The following VRK2 variants were observed in gnomAD, a reference collection of about 807,000 sequenced individuals.
VRK2 encodes the protein VRK serine/threonine kinase 2, also known as serine/threonine-protein kinase VRK2.
In VRK2, 60 loss-of-function variants were observed where a neutral mutation model predicts 57.6. The observed-to-expected ratio is 1.04, with a 90% CI of 0.85 to 1.29. VRK2 has a LOEUF of 1.29. VRK2 is among the 50% of genes most tolerant of loss of function. The probability of loss-of-function intolerance (pLI) is 0.00; values close to 1 mark genes in which losing one functional copy is unlikely to be tolerated. For missense variants in VRK2, 705 were observed against 588.1 expected (o/e 1.20, Z -2.06); for synonymous variants, 231 against 199.2 (o/e 1.16, Z -1.35).
intron 1 of VRK2, among the ~76,000 whole-genome samples, chr2:58,003,865 ATTGTTTACTATAAC>A (rs1673162925): frequency 1.3e-5 from 2 of 152,232 alleles, no homozygotes; most frequent in Admixed American, 6.5e-5. Flanking sequence ...CTTTCTAATA[ATTGTTTACTATAAC>A]TTGTTTACTA....
intron 2 of VRK2, among the ~76,000 whole-genome samples, chr2:58,063,690 T>C (rs1259017011): frequency 1.3e-5 from 2 of 152,102 alleles, no homozygotes; most frequent in East Asian, 3.9e-4. Flanking sequence ...GTCCCTTCTG[T>C]AGCTCATGGA....
chr2:58,134,152 A>T (rs983970933), intron 9 of VRK2, among the ~76,000 whole-genome samples: 4 of 152,216 alleles, frequency 2.6e-5, no homozygotes, highest in Middle Eastern at 3.4e-3. Flanking sequence ...GAAGAGAGTC[A>T]TAGAAACCAG....
upstream of VRK2, among the ~76,000 whole-genome samples, chr2:58,043,081 A>G (rs996732478): frequency 3.7e-4 from 56 of 152,340 alleles, no homozygotes; most frequent in African/African-American, 1.3e-3. Flanking sequence ...GTACAAATTT[A>G]TTAACATTTA....
Position 58,089,689 on chromosome 2 carries a change from C to T in VRK2, c.509C>T (p.Ala170Val). 1 of 1,608,934 alleles carries T rather than the reference C, an allele frequency of 6.2e-7. No individual in the cohort carries two copies. Among genetic ancestry groups the T allele is most frequent in the South Asian group, 1.1e-5 (1 of 90,570 alleles). ...TATGTTCATGGTGATATAAAAGCAG[C>T]AAATCTACTTTTGGGTTACAAAAAT... Reference protein sequence around the residue: ...NEYVHGDIKAANLLLGYKNPD... With the variant: ...NEYVHGDIKAVNLLLGYKNPD... The change falls in exon 7 of 13, where the codon GCA becomes GTA. Residue 170 changes from alanine (A) to valine (V), a missense_variant. Physicochemically the swap from Ala to Val is moderately conservative, Grantham distance 64 (BLOSUM62 0). Coordinates refer to ENST00000340157, the MANE Select transcript of VRK2 (RefSeq NM_006296.7).
intron 4 of VRK2, 109 bp from the exon 5 acceptor site, chr2:58,086,230 G>A (rs1422325064): frequency 2.2e-6 from 2 of 905,264 alleles, no homozygotes; most frequent in Non-Finnish European, 3.4e-6. Flanking sequence ...TTATCTTCTA[G>A]GAAGATCTAA....
intron 11 of VRK2, among the ~76,000 whole-genome samples, chr2:58,144,159 T>C (rs1681761859): frequency 6.6e-6 from 1 of 151,852 alleles, no homozygotes; most frequent in South Asian, 2.1e-4. Context: ...ACAAATACTG[T>C]ATGATCTCAT....
chr2:57,985,385 T>C (rs894083494), intron 1 of VRK2, among the ~76,000 whole-genome samples: 3 of 152,050 alleles, frequency 2.0e-5, no homozygotes, highest in African/African-American at 7.2e-5. Context: ...TCTGTGGCTA[T>C]TTTGTAAATA....
chr2:58,118,608 G>A (rs1173394956), intron 7 of VRK2, among the ~76,000 whole-genome samples: 2 of 152,226 alleles, frequency 1.3e-5, no homozygotes, highest in East Asian at 3.9e-4. Flanking sequence ...ACCTGAGGTC[G>A]TAGGTGGATC....
intron 1 of VRK2, among the ~76,000 whole-genome samples, chr2:57,930,403 G>A (rs1375729882): frequency 6.6e-6 from 1 of 152,136 alleles, no homozygotes; most frequent in African/African-American, 2.4e-5. Context: ...CAAACACATA[G>A]ATTCTCTTTC....
intron 1 of VRK2, 137 bp downstream of exon 1, chr2:58,047,005 C>A (rs1352858971): frequency 7.1e-6 from 7 of 979,336 alleles, no homozygotes; most frequent in Non-Finnish European, 8.5e-6. Context: ...CCCCGGGCCT[C>A]AGCTCCGGCC....
downstream of VRK2, chr2:58,159,914 T>G (rs1366543897): frequency 1.0e-5 from 16 of 1,542,130 alleles, no homozygotes; most frequent in Middle Eastern, 2.4e-4. Flanking sequence ...GGAAAACACT[T>G]CTGAAGTTTC....
Position 58,086,418 on chromosome 2 carries a change from G to A in VRK2, c.336G>A (p.Lys112=), listed in dbSNP as rs772008242. The A allele has an allele frequency of 1.3e-6, 2 of 1,590,776 alleles. No homozygotes were observed. Among genetic ancestry groups the A allele is most frequent in the Non-Finnish European group, 1.7e-6 (2 of 1,172,120 alleles). ...LFYGSGLTEF[K]GRSYRFMVME... ...ATGGATCTGGTCTGACTGAATTCAA[G>A]GGAAGAAGGTAAAATGGAATTATTA... Residue 112 remains lysine (K), a synonymous_variant, in exon 5 of 13, where the codon AAG becomes AAA. Transcript: ENST00000340157.
At chr2:58,092,659 C>T (rs762536922) in intron 7 of VRK2, among the ~76,000 whole-genome samples, 10 of 151,926 alleles carry the variant, frequency 6.6e-5, no homozygotes, top group Non-Finnish European at 1.5e-4. Flanking sequence ...ATTTGCTCCA[C>T]CTGGTTTCAT....
Position 57,978,669 on chromosome 2 carries a change from TTTCC to T in VRK2, c.-438-46980_-438-46977del, listed in dbSNP as rs542267731. Among the ~76,000 whole-genome samples, 281 of 149,936 alleles carry T rather than the reference TTTCC, an allele frequency of 1.9e-3. 1 individual carries two copies. The highest frequency in any genetic ancestry group is 2.1e-3 in the Non-Finnish European group (142 of 67,824). ...TTTATATATTGGCTTACTTGATTTG[TTTCC>T]TTCCTTCCTTCCTTCTTTCTTTCTT... On this transcript the variant is annotated intron_variant, in intron 1 of 15. Coordinates refer to the VRK2 transcript ENST00000417641.
intron 1 of VRK2, among the ~76,000 whole-genome samples, chr2:57,910,452 G>A (rs1324701962): frequency 6.6e-6 from 1 of 152,182 alleles, no homozygotes. Flanking sequence ...GACCCCAAGA[G>A]AAATTCATAC....
At chr2:58,016,357 A>AT (rs1214558190) in intron 1 of VRK2, among the ~76,000 whole-genome samples, 6 of 151,088 alleles carry the variant, frequency 4.0e-5, no homozygotes, top group African/African-American at 7.4e-5. Context: ...TTAATTAATT[A>AT]TTTTTTTGAA....
chr2:58,098,481 C>A (rs549625796), intron 7 of VRK2, among the ~76,000 whole-genome samples: 44 of 152,138 alleles, frequency 2.9e-4, no homozygotes, highest in African/African-American at 1.0e-3. Flanking sequence ...TACAGCTATA[C>A]CATTTTCAAA....
chr2:57,916,978 G>A (rs1670177373), intron 1 of VRK2, among the ~76,000 whole-genome samples: 2 of 152,044 alleles, frequency 1.3e-5, no homozygotes, highest in African/African-American at 4.8e-5. Flanking sequence ...CTAAATAAGT[G>A]ACGAGTACAT....
chr2:58,071,895 G>T (rs1236674387), intron 2 of VRK2, among the ~76,000 whole-genome samples: 3 of 151,922 alleles, frequency 2.0e-5, no homozygotes, highest in Admixed American at 6.6e-5. Flanking sequence ...GAATATGAGT[G>T]AGTCTTCCTA....
Sources: gnomAD v4.1 joint callset for allele counts (sites outside exome capture counted in the v4.1 genomes callset) on GRCh38, gnomAD v4.1.1 for gene constraint, MANE v1.5 for transcripts, NCBI Gene and HGNC (gene_info 2026-07-23, HGNC 2026-07-21) for gene names.